The following PPP2R1A variants were observed in gnomAD, a reference collection of about 807,000 sequenced individuals.
The protein encoded by PPP2R1A is protein phosphatase 2 scaffold subunit Aalpha.
A neutral mutation model predicts 67.1 loss-of-function variants in PPP2R1A; 15 were observed. The ratio of observed to expected loss-of-function variants is 0.22; its 90% CI spans 0.15 to 0.34. PPP2R1A has a LOEUF of 0.34. Among genes scored for constraint, PPP2R1A ranks in the 10% least tolerant of loss-of-function variants. The pLI is 1.00. For missense variants in PPP2R1A, 369 were observed against 775.0 expected (o/e 0.48, Z 6.22); for synonymous variants, 337 against 325.0 (o/e 1.04, Z -0.40).
chr19:52,190,545 T>G (rs2089444241), intron 1 of PPP2R1A, among the ~76,000 whole-genome samples: 1 of 152,180 alleles, frequency 6.6e-6, no homozygotes, highest in African/African-American at 2.4e-5. Context: ...CGCGCATGAC[T>G]TGCTCCAAGT....
Position 52,211,857 on chromosome 19 carries a change from G to T in PPP2R1A, c.503+365G>T, listed in dbSNP as rs189548086. ...GTATCTCCAGCCTGTCCCAGGTCCA[G>T]TGCCTTTGGCAGATAAACCACCTCA... On this transcript the variant is annotated intron_variant, in intron 4 of 14. Coordinates refer to ENST00000322088, the MANE Select transcript of PPP2R1A (RefSeq NM_014225.6). This position sits in a 1 kb window ranked among gnomAD's most constrained non-coding sequence, Gnocchi z 5.3. 2.6e-5 allele frequency among the ~76,000 whole-genome samples: 4 copies of T among 152,342 alleles called. No individual in the cohort carries two copies. Among genetic ancestry groups the T allele is most frequent in the Non-Finnish European group, 5.9e-5 (4 of 68,030 alleles).
At position 52,205,953 on chromosome 19, in the gene PPP2R1A, G is replaced by T. The variant is rs780545285; in HGVS notation, c.170-10G>T. ...ATGGGATAGTCACGAAGTCTGTCTT[G>T]GTTCCACAGATACCATCTATGATGA... On this transcript the variant is annotated splice_polypyrimidine_tract_variant and intron_variant, in intron 2 of 14. Transcript: ENST00000322088. The T allele has an allele frequency of 1.2e-6, 2 of 1,610,094 alleles. No homozygotes were observed. The highest frequency in any genetic ancestry group is 1.7e-6 in the Non-Finnish European group (2 of 1,176,476).
rs779419476 is a variant in PPP2R1A at position 52,190,059 on chromosome 19, C to T, written c.-38C>T. ...TTGCCCCCCCCACGTTTCAGCACAGCGCTGGCCGCAGTCTGACAGGAAAGG... is the reference window on the plus strand; with the variant it reads ...TTGCCCCCCCCACGTTTCAGCACAGTGCTGGCCGCAGTCTGACAGGAAAGG... On this transcript the variant is annotated 5_prime_UTR_variant, in exon 1 of 15. Coordinates refer to ENST00000322088, the MANE Select transcript of PPP2R1A (RefSeq NM_014225.6). The T allele has an allele frequency of 1.5e-5, 23 of 1,534,532 alleles. No homozygotes were observed. In the African/African-American group the frequency reaches 2.9e-4, roughly 19 times the overall value.
chr19:52,190,828 G>C lies in PPP2R1A; in HGVS notation c.78+654G>C, dbSNP rs139767815. Among the ~76,000 whole-genome samples, 15 of 152,280 alleles carry C rather than the reference G, an allele frequency of 9.9e-5. No homozygotes were observed. The East Asian group carries it at 2.5e-3, about 26-fold the overall frequency. ...GATCCTCCCATTGACCAGGATAGGGGTTGAGGGATTTGCTAAGCAGATGAA... is the reference window on the plus strand; with the variant it reads ...GATCCTCCCATTGACCAGGATAGGGCTTGAGGGATTTGCTAAGCAGATGAA... On this transcript the variant is annotated intron_variant, in intron 1 of 14. Coordinates refer to ENST00000322088, the MANE Select transcript of PPP2R1A (RefSeq NM_014225.6).
In PPP2R1A at chr19:52,216,753, T is replaced by C. The variant is rs182595159; in HGVS notation, c.1128+90T>C. 46 of 1,563,464 alleles carry C rather than the reference T, an allele frequency of 2.9e-5. No individual in the cohort carries two copies. The African/African-American group carries it at 6.2e-4, about 21-fold the overall frequency. On this transcript the variant is annotated intron_variant, in intron 9 of 14. Transcript: ENST00000322088. The surrounding 1 kb of genome is among the most constrained non-coding windows in gnomAD (Gnocchi z 4.3). The stretch of plus-strand genomic sequence containing the variant: ...AGGGTTTACCTAGATTGACCAGGAA[T>C]CTGCTGATATCTCAACAGACATCCA...
At chr19:52,204,160 G>T (rs1315832360) in intron 2 of PPP2R1A, among the ~76,000 whole-genome samples, 1 of 152,226 alleles carries the variant, frequency 6.6e-6, no homozygotes, top group African/African-American at 2.4e-5. Flanking sequence ...AGCTCAGTGT[G>T]TTGGAAGAAT....
At position 52,213,050 on chromosome 19, in the gene PPP2R1A, C is replaced by A. The variant is rs1389616429; in HGVS notation, c.747C>A (p.Arg249=). The change falls in exon 6 of 15, where the codon CGC becomes CGA. Residue 249 remains arginine, a synonymous_variant. Transcript: ENST00000322088. The surrounding 1 kb of genome is among the most constrained non-coding windows in gnomAD (Gnocchi z 4.2). ...AGGCCCTGGTGATGCCCACTCTGCG[C>A]CAGGCCGCTGAAGACAAGTCCTGGC... ...DLEALVMPTL[R]QAAEDKSWRV... 3 of 1,610,342 alleles carry A rather than the reference C, an allele frequency of 1.9e-6. No homozygotes were observed. The highest frequency in any genetic ancestry group is 2.5e-6 in the Non-Finnish European group (3 of 1,179,202).
chr19:52,200,095 T>C (rs2122294781), intron 1 of PPP2R1A, among the ~76,000 whole-genome samples: 1 of 152,286 alleles, frequency 6.6e-6, no homozygotes, highest in South Asian at 2.1e-4. Flanking sequence ...CTCAGTTATG[T>C]AGGGCCTCAG....
chr19:52,205,899 T>C lies in PPP2R1A; in HGVS notation c.170-64T>C, dbSNP rs1600163522. On this transcript the variant is annotated intron_variant, in intron 2 of 14. Transcript: ENST00000322088. ...AGGAAGCAGAATGGAGTCCATGTGT[T>C]CTGAGCTTGGGCTGGGGTCAGAGTT... 4 of 1,371,230 alleles carry C rather than the reference T, an allele frequency of 2.9e-6. No homozygotes were observed. The East Asian group carries it at 9.2e-5, about 31-fold the overall frequency. The allele number at this position is 1,371,230 out of a possible 1,614,324, so 84.9% of individuals were successfully genotyped here. A position where few individuals can be genotyped will look rare whatever the true frequency, so the allele number is the denominator to read the frequency against.
rs2089679628 is a variant in PPP2R1A, at chr19:52,212,511, G to T, written c.504-175G>T. On this transcript the variant is annotated intron_variant, in intron 4 of 14. Transcript: ENST00000322088. This position sits in a 1 kb window ranked among gnomAD's most constrained non-coding sequence, Gnocchi z 4.1. Reference sequence around the variant, plus strand: ...TCATTTAAACCTCATGCGGACCTGTGGGGTAGGTACTGTTACTATCAGCTC... The same window carrying T: ...TCATTTAAACCTCATGCGGACCTGTTGGGTAGGTACTGTTACTATCAGCTC... 5.9e-6 allele frequency: 4 copies of T among 673,250 alleles called. No homozygotes were observed. Among genetic ancestry groups the T allele is most frequent in the South Asian group, 3.9e-5 (2 of 51,132 alleles). 41.7% of individuals were successfully genotyped at this position (673,250 alleles called of 1,614,324 possible).
rs1319667249 is a variant in PPP2R1A, at chr19:52,226,358, C to T, written c.*377C>T. 8.5e-6 allele frequency: 3 copies of T among 353,318 alleles called. No individual in the cohort carries two copies. Among genetic ancestry groups the T allele is most frequent in the Non-Finnish European group, 1.5e-5 (3 of 194,078 alleles). The allele number at this position is 353,318 out of a possible 1,614,324, so 21.9% of individuals were successfully genotyped here. On this transcript the variant is annotated 3_prime_UTR_variant, in exon 15 of 15. Transcript: ENST00000322088. ...GTTTTTTTTTGTGTGTCAACTGTGC[C>T]GTTTTTATTTTATTCCTTTTATTTT...
At chr19:52,215,715 C>A in intron 6 of PPP2R1A, 64 bp from the exon 7 acceptor site, 1 of 1,408,666 alleles carries the variant, frequency 7.1e-7, no homozygotes, top group Non-Finnish European at 1.0e-6. Flanking sequence ...TTGATTTTGG[C>A]TTCCTTAGCC....
chr19:52,206,722 C>G lies in PPP2R1A; in HGVS notation c.270+659C>G, dbSNP rs114006646. Among the ~76,000 whole-genome samples the G allele has an allele frequency of 7.0e-3, 1,066 of 152,200 alleles. 15 individuals carry two copies. Among genetic ancestry groups the G allele is most frequent in the African/African-American group, 0.025 (1,020 of 41,516 alleles). Reference sequence around the variant, plus strand: ...TGTGTGTCCCGTGCTAGGTGATGGCCAAGGACACAAAGATGGGCCAGATCC... The same window carrying G: ...TGTGTGTCCCGTGCTAGGTGATGGCGAAGGACACAAAGATGGGCCAGATCC... On this transcript the variant is annotated intron_variant, in intron 3 of 14. Coordinates refer to ENST00000322088, the MANE Select transcript of PPP2R1A (RefSeq NM_014225.6).
intron 3 of PPP2R1A, among the ~76,000 whole-genome samples, chr19:52,207,910 A>G (rs750306581): frequency 1.3e-5 from 2 of 152,152 alleles, no homozygotes; most frequent in Non-Finnish European, 2.9e-5. Context: ...GAAGGCGCCT[A>G]ACCTGCTTAG....
chr19:52,213,133 T>C lies in PPP2R1A; in HGVS notation c.807+23T>C, dbSNP rs1351907474. On this transcript the variant is annotated intron_variant, in intron 6 of 14. Transcript: ENST00000322088. The surrounding 1 kb of genome is among the most constrained non-coding windows in gnomAD (Gnocchi z 4.2). The stretch of plus-strand genomic sequence containing the variant: ...GAGGTAGATGAGCGACCGTTGACAT[T>C]GTCCCACTGGTGGGGACACTGACAC... 3.9e-6 allele frequency: 6 copies of C among 1,533,472 alleles called. No homozygotes were observed. In the African/African-American group the frequency reaches 5.5e-5, roughly 14 times the overall value. The allele number at this position is 1,533,472 out of a possible 1,614,324, so 95.0% of individuals were successfully genotyped here. A position where few individuals can be genotyped will look rare whatever the true frequency, so the allele number is the denominator to read the frequency against.
chr19:52,207,662 C>A (rs893273758), intron 3 of PPP2R1A, among the ~76,000 whole-genome samples: 1 of 152,192 alleles, frequency 6.6e-6, no homozygotes, highest in Non-Finnish European at 1.5e-5. Flanking sequence ...TTGCTCGTTG[C>A]CTGCAGTGCA....
At chr19:52,198,784 CTG>C (rs2089520694) in intron 1 of PPP2R1A, among the ~76,000 whole-genome samples, 1 of 152,200 alleles carries the variant, frequency 6.6e-6, no homozygotes, top group African/African-American at 2.4e-5. Context: ...AGCCTCACCT[CTG>C]TGCATCAGTG....
intron 13 of PPP2R1A, among the ~76,000 whole-genome samples, chr19:52,223,020 A>G (rs772961879): frequency 6.6e-6 from 1 of 152,222 alleles, no homozygotes; most frequent in Admixed American, 6.5e-5. Context: ...TCTGATTTAC[A>G]CTACCAGAGA....
chr19:52,190,247 G>T lies in PPP2R1A; in HGVS notation c.78+73G>T, dbSNP rs1019140702. 17 of 1,494,166 alleles carry T rather than the reference G, an allele frequency of 1.1e-5. No homozygotes were observed. The South Asian group carries it at 1.9e-4, about 17-fold the overall frequency. The allele number at this position is 1,494,166 out of a possible 1,614,324, so 92.6% of individuals were successfully genotyped here. A position where few individuals can be genotyped will look rare whatever the true frequency, so the allele number is the denominator to read the frequency against. ...GGGCACGGGCGGCCCTCGCGGAGAA[G>T]ACTCAGCGTTCGCTGGGAGTGGCGG... On this transcript the variant is annotated intron_variant, in intron 1 of 14. Coordinates refer to ENST00000322088, the MANE Select transcript of PPP2R1A (RefSeq NM_014225.6).
Sources: allele counts gnomAD v4.1 joint callset (sites outside exome capture counted in the v4.1 genomes callset), GRCh38; gene constraint gnomAD v4.1.1; non-coding constraint Gnocchi (gnomAD v3.1); transcripts MANE v1.5; gene names NCBI Gene and HGNC (gene_info 2026-07-23, HGNC 2026-07-21).